Variants in SORD observed in about 807,000 individuals in gnomAD.
The protein encoded by SORD is sorbitol dehydrogenase.
SORD carries 18 observed loss-of-function variants against 35.6 expected under a neutral mutation model. That is an observed-to-expected ratio of 0.51 (90% confidence interval 0.35 to 0.75). The LOEUF is 0.75. Ranked by LOEUF, SORD falls within the 30% of genes least tolerant of loss-of-function variation. SORD has a pLI of 0.01. For missense variants in SORD, 250 were observed against 390.2 expected, an observed-to-expected ratio of 0.64 and a Z score of 3.03; for synonymous variants, 106 against 152.9, an observed-to-expected ratio of 0.69 and a Z score of 2.26.
chr15:45,057,455 A>C (rs1893235883), intron 3 of SORD, among the ~76,000 whole-genome samples: 1 of 152,258 alleles, frequency 6.6e-6, no homozygotes, highest in South Asian at 2.1e-4. Context: ...CATGTGTATT[A>C]AATTCATCTA....
Position 45,071,373 on chromosome 15 carries a change from A to G in SORD, c.787-944A>G, listed in dbSNP as rs558690313. Among the ~76,000 whole-genome samples, 181 of 152,246 alleles carry G rather than the reference A, an allele frequency of 1.2e-3. 1 individual carries two copies. Among genetic ancestry groups the G allele is most frequent in the African/African-American group, 4.3e-3 (178 of 41,520 alleles). ...CAGCAGCGCTGGGAGTCACTCCCAC[A>G]CCACTCAAACCCTGAGTTCACCTCT... is the stretch of plus-strand genomic sequence containing the variant. On this transcript the variant is annotated intron_variant, in intron 7 of 8. Coordinates refer to ENST00000267814, the MANE Select transcript of SORD (RefSeq NM_003104.6).
chr15:45,026,537 C>A (rs1226469161), intron 1 of SORD, among the ~76,000 whole-genome samples: 5 of 150,440 alleles, frequency 3.3e-5, no homozygotes, highest in Admixed American at 1.3e-4. Context: ...GCCCAGCAAA[C>A]TGTGGCCGAT....
At chr15:45,052,371 T>C (rs970600375) in intron 3 of SORD, among the ~76,000 whole-genome samples, 2 of 152,322 alleles carry the variant, frequency 1.3e-5, no homozygotes, top group Middle Eastern at 3.4e-3. Flanking sequence ...CTCTTGACTA[T>C]TGAAGGTGGA....
chr15:45,043,795 G>A (rs1893004471), intron 3 of SORD, among the ~76,000 whole-genome samples: 1 of 149,040 alleles, frequency 6.7e-6, no homozygotes, highest in Non-Finnish European at 1.5e-5. Context: ...TGTGAACCAC[G>A]GCCTTGGATA....
chr15:45,048,729 G>T (rs1167158600), intron 3 of SORD, among the ~76,000 whole-genome samples: 2 of 152,170 alleles, frequency 1.3e-5, no homozygotes, highest in Non-Finnish European at 2.9e-5. Flanking sequence ...CCAAGAGTGA[G>T]GTTGGAACGA....
intron 3 of SORD, among the ~76,000 whole-genome samples, chr15:45,057,564 C>T (rs962963119): frequency 3.9e-5 from 6 of 152,164 alleles, no homozygotes; most frequent in Admixed American, 3.9e-4. Context: ...GTGGGCAGAT[C>T]ATGAGGTCAG....
At chr15:45,046,261 G>A (rs1050435549) in intron 3 of SORD, among the ~76,000 whole-genome samples, 16 of 152,064 alleles carry the variant, frequency 1.1e-4, no homozygotes, top group African/African-American at 2.7e-4. Flanking sequence ...TTATTTTTTC[G>A]AGATGAAGTC....
intron 1 of SORD, among the ~76,000 whole-genome samples, chr15:45,032,818 G>A (rs367822811): frequency 0.022 from 3,402 of 152,062 alleles, 80 homozygotes; most frequent in South Asian, 0.11. Context: ...TAGCCAATTG[G>A]GAAACCTTTG....
intron 3 of SORD, among the ~76,000 whole-genome samples, chr15:45,054,075 T>C (rs1227813854): frequency 6.7e-6 from 1 of 149,926 alleles, no homozygotes; most frequent in Non-Finnish European, 1.5e-5. Context: ...TCCAAGTCTT[T>C]GCTATTGTGA....
intron 6 of SORD, among the ~76,000 whole-genome samples, 193 bp downstream of exon 6, chr15:45,068,439 G>C (rs1264900724): frequency 6.8e-6 from 1 of 146,370 alleles, no homozygotes; most frequent in African/African-American, 2.6e-5. Context: ...GAGAGAGTTT[G>C]TGTGAGAGAG....
intron 3 of SORD, among the ~76,000 whole-genome samples, chr15:45,057,216 T>G (rs932778208): frequency 2.0e-5 from 3 of 152,252 alleles, no homozygotes; most frequent in Non-Finnish European, 2.9e-5. Context: ...TATTCATTAC[T>G]TATGTATATC....
At chr15:45,038,126 C>CCCTTCCTT (rs71114304) in intron 1 of SORD, among the ~76,000 whole-genome samples, 1,777 of 122,262 alleles carry the variant, frequency 0.015, 36 homozygotes, top group South Asian at 0.03. Context: ...CTCGCATCCT[C>CCCTTCCTT]CCTTCCTTCC....
At chr15:45,037,819 G>C (rs890869223) in intron 1 of SORD, among the ~76,000 whole-genome samples, 4 of 151,656 alleles carry the variant, frequency 2.6e-5, no homozygotes, top group African/African-American at 9.7e-5. Flanking sequence ...GGGACAAGGG[G>C]AGGGAGGGCA....
intron 1 of SORD, among the ~76,000 whole-genome samples, chr15:45,037,384 T>C (rs573938197): frequency 1.3e-5 from 2 of 152,296 alleles, no homozygotes; most frequent in African/African-American, 4.8e-5. Context: ...GCCTGACTGT[T>C]GTTCTAAGCT....
chr15:45,033,901 C>T (rs2141265201), intron 1 of SORD, among the ~76,000 whole-genome samples: 1 of 151,954 alleles, frequency 6.6e-6, no homozygotes, highest in African/African-American at 2.4e-5. Context: ...ATTATCTCTC[C>T]TGATTTCTCG....
chr15:45,024,030 C>T (rs1162134423), intron 1 of SORD, among the ~76,000 whole-genome samples: 1 of 152,172 alleles, frequency 6.6e-6, no homozygotes, highest in Non-Finnish European at 1.5e-5. Flanking sequence ...TTTTTCTTTC[C>T]AATCCCGTGC....
Position 45,073,641 on chromosome 15 carries a change from A to C in SORD, c.*111A>C. 1.6e-6 allele frequency: 2 copies of C among 1,288,820 alleles called. No individual in the cohort carries two copies. The highest frequency in any genetic ancestry group is 3.0e-5 in the South Asian group (2 of 67,396). The allele number at this position is 1,288,820 out of a possible 1,614,324, so 79.8% of individuals were successfully genotyped here. ...TCTCTTTTGAATGTTAAGAATAACT[A>C]ATACAATTCATTGTGAACAGAAGTC... On this transcript the variant is annotated 3_prime_UTR_variant, in exon 9 of 9. Transcript: ENST00000267814.
rs765668615 is a variant in SORD, at chr15:45,040,397, GT to G, written c.67-8del. 1 of 1,481,018 alleles carries G rather than the reference GT, an allele frequency of 6.8e-7. No individual in the cohort carries two copies. The highest frequency in any genetic ancestry group is 9.4e-7 in the Non-Finnish European group (1 of 1,063,978). 91.7% of individuals were successfully genotyped at this position (1,481,018 alleles called of 1,614,324 possible). On this transcript the variant is annotated splice_polypyrimidine_tract_variant and intron_variant, in intron 1 of 8. Transcript: ENST00000267814. Reference sequence around the variant, plus strand: ...CATGCTAAATGATTTTTTCAATTTTGTTTCTTTTAGGAGAACTATCCTATCC... The same window carrying G: ...CATGCTAAATGATTTTTTCAATTTTGTTCTTTTAGGAGAACTATCCTATCC...
chr15:45,066,819 G>A (rs1475493201), intron 5 of SORD, among the ~76,000 whole-genome samples: 2 of 152,092 alleles, frequency 1.3e-5, no homozygotes, highest in South Asian at 2.1e-4. Context: ...AGCAGACTGC[G>A]GGACTCAGGT....
Sources: allele counts gnomAD v4.1 joint callset (sites outside exome capture counted in the v4.1 genomes callset), GRCh38; gene constraint gnomAD v4.1.1; transcripts MANE v1.5; gene names NCBI Gene and HGNC (gene_info 2026-07-23, HGNC 2026-07-21).